ZBTB20: variants seen among roughly 807,000 people sequenced by gnomAD.
The protein encoded by ZBTB20 is zinc finger and BTB domain containing 20, also known as zinc finger and BTB domain-containing protein 20.
Under a neutral mutation model 56.9 loss-of-function variants are expected in ZBTB20, and 9 were observed. The ratio of observed to expected loss-of-function variants is 0.16; its 90% CI spans 0.10 to 0.28. The LOEUF (loss-of-function observed/expected upper bound fraction) is 0.28, where lower values mean the gene tolerates loss of function less well. Among genes scored for constraint, ZBTB20 ranks in the 10% least tolerant of loss-of-function variants. ZBTB20 has a pLI of 1.00. For missense variants in ZBTB20, 655 were observed against 1,003.0 expected (o/e 0.65, Z 4.69); for synonymous variants, 417 against 420.7 (o/e 0.99, Z 0.11).
At chr3:114,916,598 C>T (rs941118507) in intron 3 of ZBTB20, among the ~76,000 whole-genome samples, 1 of 151,980 alleles carries the variant, frequency 6.6e-6, no homozygotes, top group African/African-American at 2.4e-5. Flanking sequence ...GATGAAATCC[C>T]TCAGCTTTTA....
At chr3:114,724,018 A>C (rs2065097030) in intron 5 of ZBTB20, among the ~76,000 whole-genome samples, 1 of 151,214 alleles carries the variant, frequency 6.6e-6, no homozygotes. Context: ...ACAGGCGCCC[A>C]CCACCGAGCC....
At chr3:114,608,673 G>A (rs1012449269) in intron 6 of ZBTB20, among the ~76,000 whole-genome samples, 7 of 152,138 alleles carry the variant, frequency 4.6e-5, no homozygotes, top group African/African-American at 1.7e-4. Flanking sequence ...AAGTCAAATA[G>A]GGCTGTTAAC....
intron 6 of ZBTB20, among the ~76,000 whole-genome samples, chr3:114,615,055 C>T (rs1331898523): frequency 6.6e-6 from 1 of 152,146 alleles, no homozygotes; most frequent in Non-Finnish European, 1.5e-5. Flanking sequence ...GCATGAGCCA[C>T]CGCGCCCAGC....
chr3:114,380,286 G>C lies in ZBTB20; in HGVS notation c.130C>G (p.Pro44Ala), dbSNP rs1207598805. Reference sequence around the variant, plus strand: ...GTTGAGTGGATGAGGGCTGGGTCTGGAGACAAAACAGCTTCAAAGTTCAGG... The same window carrying C: ...GTTGAGTGGATGAGGGCTGGGTCTGCAGACAAAACAGCTTCAAAGTTCAGG... ...PCLNFEAVLS[P>A]DPALIHSTHS... is the part of the protein sequence containing the mutation. Residue 44 changes from proline to alanine, a missense_variant, in exon 10 of 12, where the codon CCA becomes GCA. By Grantham distance (27) the Pro-to-Ala change is conservative. Coordinates refer to ENST00000675478, the MANE Select transcript of ZBTB20 (RefSeq NM_001348800.3). The C allele has an allele frequency of 6.5e-7, 1 of 1,537,128 alleles. No homozygotes were observed. The highest frequency in any genetic ancestry group is 1.4e-5 in the African/African-American group (1 of 73,146).
At chr3:114,889,283 G>A (rs904627710) in intron 4 of ZBTB20, among the ~76,000 whole-genome samples, 3 of 151,772 alleles carry the variant, frequency 2.0e-5, no homozygotes, top group African/African-American at 7.2e-5. Flanking sequence ...GAATGAAAAC[G>A]TTAACTTCCT....
intron 3 of ZBTB20, among the ~76,000 whole-genome samples, chr3:114,906,076 T>G (rs2075306534): frequency 6.6e-6 from 1 of 151,834 alleles, no homozygotes; most frequent in South Asian, 2.1e-4. Flanking sequence ...TCCCACTAGA[T>G]TGTATACTCC....
chr3:114,606,364 T>C (rs1265205649), intron 6 of ZBTB20, among the ~76,000 whole-genome samples: 3 of 152,228 alleles, frequency 2.0e-5, no homozygotes. Context: ...TGACTTACCG[T>C]TCTTTTAATC....
At chr3:114,902,103 A>G (rs2075142917) in intron 3 of ZBTB20, among the ~76,000 whole-genome samples, 1 of 152,172 alleles carries the variant, frequency 6.6e-6, no homozygotes, top group Non-Finnish European at 1.5e-5. Flanking sequence ...AAACACCCTC[A>G]CTGCTTCCTC....
At chr3:114,536,617 T>C (rs1300780749) in intron 6 of ZBTB20, among the ~76,000 whole-genome samples, 1 of 152,162 alleles carries the variant, frequency 6.6e-6, no homozygotes, top group Non-Finnish European at 1.5e-5. Context: ...TTGATTTTCT[T>C]CACAGAATTA....
intron 6 of ZBTB20, among the ~76,000 whole-genome samples, chr3:114,653,245 A>AT (rs937501859): frequency 2.6e-5 from 4 of 151,642 alleles, no homozygotes; most frequent in African/African-American, 9.7e-5. Context: ...AGATTTTATC[A>AT]TTAAGGACGG....
chr3:114,629,408 A>G (rs2107818202), intron 6 of ZBTB20, among the ~76,000 whole-genome samples: 1 of 152,276 alleles, frequency 6.6e-6, no homozygotes, highest in Admixed American at 6.5e-5. Flanking sequence ...AGGGTCAACA[A>G]ATTATTTTTT....
In ZBTB20 at chr3:114,316,952, T is replaced by C. The variant is rs1355881405; in HGVS notation, c.*22053A>G. On this transcript the variant is annotated 3_prime_UTR_variant, in exon 12 of 12. Coordinates refer to ENST00000675478, the MANE Select transcript of ZBTB20 (RefSeq NM_001348800.3). ...AGATGAGGAAGAATGAAGTATTGTGTTTACGTATCAAAATTGCTAACTTTG... is the reference window on the plus strand; with the variant it reads ...AGATGAGGAAGAATGAAGTATTGTGCTTACGTATCAAAATTGCTAACTTTG... 5.3e-6 allele frequency: 1 copy of C among 187,812 alleles called. No individual in the cohort carries two copies. The highest frequency in any genetic ancestry group is 5.4e-5 in the Admixed American group (1 of 18,384). The allele number at this position is 187,812 out of a possible 1,614,324, so 11.6% of individuals were successfully genotyped here.
intron 6 of ZBTB20, among the ~76,000 whole-genome samples, chr3:114,692,799 GAAACTTTAC>G (rs1191011958): frequency 1.3e-5 from 2 of 152,124 alleles, no homozygotes; most frequent in Non-Finnish European, 2.9e-5. Flanking sequence ...CAATCTTTTT[GAAACTTTAC>G]AAACTTTACA....
At chr3:115,110,713 G>C (rs1046399712) in intron 1 of ZBTB20, among the ~76,000 whole-genome samples, 1 of 152,136 alleles carries the variant, frequency 6.6e-6, no homozygotes, top group African/African-American at 2.4e-5. Context: ...ATCCGGCCAG[G>C]TGTGGTGGCT....
chr3:114,400,793 G>T (rs1048766133), intron 7 of ZBTB20, among the ~76,000 whole-genome samples: 11 of 151,976 alleles, frequency 7.2e-5, no homozygotes, highest in Admixed American at 2.6e-4. Context: ...GCAGCCCCAA[G>T]AGACAAAAAG....
chr3:115,132,501 A>G (rs1187483575), intron 1 of ZBTB20, among the ~76,000 whole-genome samples: 2 of 152,226 alleles, frequency 1.3e-5, no homozygotes, highest in Middle Eastern at 3.2e-3. Context: ...TGTTAATGTT[A>G]TATCATTTAC....
chr3:115,024,583 T>G (rs1474149729), intron 2 of ZBTB20, among the ~76,000 whole-genome samples: 2 of 151,130 alleles, frequency 1.3e-5, no homozygotes, highest in African/African-American at 4.8e-5. Flanking sequence ...TAACTCACAC[T>G]GGATATTAAA....
chr3:114,996,454 G>A (rs1343516463), intron 2 of ZBTB20, among the ~76,000 whole-genome samples: 2 of 151,682 alleles, frequency 1.3e-5, no homozygotes, highest in Non-Finnish European at 2.9e-5. Flanking sequence ...GAGAACACGT[G>A]GTGTCTGGTT....
At chr3:114,637,295 C>G (rs1560069788) in intron 6 of ZBTB20, among the ~76,000 whole-genome samples, 1 of 151,918 alleles carries the variant, frequency 6.6e-6, no homozygotes, top group Non-Finnish European at 1.5e-5. Flanking sequence ...GAGAACTGAA[C>G]ATGGAGAAAA....
Sources: allele counts gnomAD v4.1 joint callset (sites outside exome capture counted in the v4.1 genomes callset), GRCh38; gene constraint gnomAD v4.1.1; transcripts MANE v1.5; gene names NCBI Gene and HGNC (gene_info 2026-07-23, HGNC 2026-07-21).